The following C4orf50 variants were observed in gnomAD, a reference collection of about 807,000 sequenced individuals.
The protein encoded by C4orf50 is chromosome 4 open reading frame 50, also known as uncharacterized protein C4orf50.
C4orf50 carries 80 observed loss-of-function variants against 77.2 expected under a neutral mutation model. The ratio of observed to expected loss-of-function variants is 1.04; its 90% CI spans 0.87 to 1.25. The LOEUF is 1.25. Among genes scored for constraint, C4orf50 ranks in the 50% most tolerant of loss-of-function variants. The pLI, the probability that C4orf50 is intolerant of heterozygous loss-of-function variation, is 0.00. For missense variants in C4orf50, 1,257 were observed against 1,152.9 expected (o/e 1.09, Z -1.31); for synonymous variants, 532 against 465.3 (o/e 1.14, Z -1.84).
At chr4:6,014,559 C>A (rs1361746109) in intron 23 of C4orf50, among the ~76,000 whole-genome samples, 1 of 152,236 alleles carries the variant, frequency 6.6e-6, no homozygotes, top group Non-Finnish European at 1.5e-5. Flanking sequence ...CCAAGACATA[C>A]TATCCAGCCT....
intron 30 of C4orf50, 71 bp from the exon 9 acceptor site, chr4:5,973,912 C>A (rs543472131): frequency 1.5e-6 from 2 of 1,308,188 alleles, no homozygotes; most frequent in African/African-American, 3.0e-5. Context: ...GGGCTGGGGG[C>A]CGGAGGGTCA....
exon 28 of C4orf50, chr4:5,988,911 C>G (rs1267715863): frequency 2.0e-6 from 3 of 1,536,088 alleles, no homozygotes; most frequent in Middle Eastern, 3.3e-4. Context: ...CTTGCTCCAT[C>G]GTGTCTTTGG....
At chr4:6,006,993 G>A (rs1212086662) in intron 25 of C4orf50, among the ~76,000 whole-genome samples, 1 of 152,234 alleles carries the variant, frequency 6.6e-6, no homozygotes, top group Non-Finnish European at 1.5e-5. Flanking sequence ...GACTTCACAA[G>A]CACATATGAG....
At chr4:5,964,565 C>T (rs926376952) in intron 33 of C4orf50, among the ~76,000 whole-genome samples, 5 of 151,846 alleles carry the variant, frequency 3.3e-5, no homozygotes, top group African/African-American at 4.8e-5. Flanking sequence ...GTCAGGAGTT[C>T]GAGACCAGCC....
At position 5,928,379 on chromosome 4, in the gene C4orf50, TAC is replaced by T. The variant is rs765175509; in HGVS notation, c.*2474+28520_*2474+28521del. On this transcript the variant is annotated intron_variant, in intron 7 of 7. Coordinates refer to the C4orf50 transcript ENST00000324058. ...ACACACACATACACACACACACACA[TAC>T]ACACACACACACACACACCCTGAAG... 5.5e-3 allele frequency among the ~76,000 whole-genome samples: 529 copies of T among 95,824 alleles called. 1 individual carries two copies. The highest frequency in any genetic ancestry group is 0.014 in the African/African-American group (486 of 35,466). 62.9% of individuals were successfully genotyped at this position (95,824 alleles called of 152,430 possible). A position where few individuals can be genotyped will look rare whatever the true frequency, so the allele number is the denominator to read the frequency against.
At chr4:6,002,383 G>C (rs963017018) in intron 25 of C4orf50, among the ~76,000 whole-genome samples, 1 of 152,210 alleles carries the variant, frequency 6.6e-6, no homozygotes, top group African/African-American at 2.4e-5. Flanking sequence ...AGACCTAGGA[G>C]AGAATAAATG....
At chr4:5,980,432 T>C (rs1318693167) in intron 28 of C4orf50, 94 bp from the exon 7 acceptor site, 13 of 399,332 alleles carry the variant, frequency 3.3e-5, no homozygotes, top group Admixed American at 1.7e-4. Context: ...CACTCCGTAG[T>C]TTTTTTTTTT....
exon 28 of C4orf50, chr4:5,989,289 G>A (rs1311298609): frequency 1.2e-5 from 19 of 1,536,004 alleles, no homozygotes; most frequent in East Asian, 2.4e-5. Context: ...TCACTCTCTC[G>A]AGGGCACCCC....
At chr4:6,004,336 GT>G (rs1722116217) in intron 25 of C4orf50, among the ~76,000 whole-genome samples, 1 of 109,752 alleles carries the variant, frequency 9.1e-6, no homozygotes. Context: ...GGTGATGATG[GT>G]GATGGTGATG....
downstream of C4orf50, among the ~76,000 whole-genome samples, chr4:5,952,579 T>A: frequency 6.6e-6 from 1 of 152,198 alleles, no homozygotes; most frequent in South Asian, 2.1e-4. This position sits in a 1 kb window ranked among gnomAD's most constrained non-coding sequence, Gnocchi z 4.4. Flanking sequence ...GGGACCTCCA[T>A]CTACTCCACC....
At chr4:5,917,095 C>A (rs1005478196) in intron 7 of C4orf50, among the ~76,000 whole-genome samples, 2 of 152,142 alleles carry the variant, frequency 1.3e-5, no homozygotes, top group Admixed American at 6.5e-5. Context: ...GAGGCCCCCA[C>A]ATTTTTTGAT....
At chr4:5,952,449 G>A (rs1045955702), downstream of C4orf50, among the ~76,000 whole-genome samples, 17 of 152,206 alleles carry the variant, frequency 1.1e-4, no homozygotes, top group Admixed American at 5.2e-4. The surrounding 1 kb of genome is among the most constrained non-coding windows in gnomAD (Gnocchi z 4.4). Flanking sequence ...GGAGCAGGGC[G>A]AAGCGCATGA....
At chr4:5,939,425 T>C (rs1303358476) in intron 7 of C4orf50, among the ~76,000 whole-genome samples, 1 of 152,110 alleles carries the variant, frequency 6.6e-6, no homozygotes, top group Non-Finnish European at 1.5e-5. Context: ...GAAGTCCTTC[T>C]CTATTTGAAA....
At chr4:5,934,076 G>C (rs1717890261) in intron 7 of C4orf50, among the ~76,000 whole-genome samples, 2 of 152,052 alleles carry the variant, frequency 1.3e-5, no homozygotes, top group African/African-American at 4.8e-5. Context: ...CACAGGCTTA[G>C]ACATCTTCCC....
chr4:5,996,510 C>T (rs1327834896), intron 25 of C4orf50, among the ~76,000 whole-genome samples: 1 of 151,902 alleles, frequency 6.6e-6, no homozygotes, highest in Non-Finnish European at 1.5e-5. Context: ...ACCTCAGAGC[C>T]TTTGCACACT....
At chr4:5,981,605 T>C (rs1467112537) in intron 28 of C4orf50, among the ~76,000 whole-genome samples, 1 of 151,948 alleles carries the variant, frequency 6.6e-6, no homozygotes, top group Admixed American at 6.6e-5. Context: ...GGTTTCTCCA[T>C]GTTGGTCAGG....
chr4:6,011,696 G>A lies in C4orf50; in HGVS notation c.426+134C>T. Reference sequence around the variant, plus strand: ...AGTCACGCCATGCACCATGAACGTAGGATCTCTCTAACCCTCCTGACTGGG... The same window carrying A: ...AGTCACGCCATGCACCATGAACGTAAGATCTCTCTAACCCTCCTGACTGGG... On this transcript the variant is annotated intron_variant, in intron 24 of 33. Transcript: ENST00000531445. This position sits in a 1 kb window ranked among gnomAD's most constrained non-coding sequence, Gnocchi z 4.2. 1 of 397,452 alleles carries A rather than the reference G, an allele frequency of 2.5e-6. No homozygotes were observed. Among genetic ancestry groups the A allele is most frequent in the Non-Finnish European group, 4.4e-6 (1 of 225,906 alleles). The allele number at this position is 397,452 out of a possible 1,614,324, so 24.6% of individuals were successfully genotyped here. A position where few individuals can be genotyped will look rare whatever the true frequency, so the allele number is the denominator to read the frequency against.
chr4:5,988,322 A>G (rs776659782), intron 28 of C4orf50, 25 bp downstream of exon 6: 1 of 1,606,820 alleles, frequency 6.2e-7, no homozygotes. Flanking sequence ...CGTGATGAGT[A>G]AGCAGATATG....
intron 30 of C4orf50, among the ~76,000 whole-genome samples, chr4:5,974,523 T>C (rs1008301469): frequency 3.3e-5 from 5 of 152,216 alleles, no homozygotes; most frequent in African/African-American, 1.2e-4. Flanking sequence ...CTCATGTTTC[T>C]GATTTGACGG....
Sources: gnomAD v4.1 joint callset for allele counts (sites outside exome capture counted in the v4.1 genomes callset) on GRCh38, gnomAD v4.1.1 for gene constraint, Gnocchi (gnomAD v3.1) non-coding constraint, MANE v1.5 for transcripts, NCBI Gene and HGNC (gene_info 2026-07-23, HGNC 2026-07-21) for gene names.